SOD1: variants seen among roughly 807,000 people sequenced by gnomAD.
SOD1 encodes superoxide dismutase 1.
SOD1 carries 8 observed loss-of-function variants against 15.9 expected under a neutral mutation model. The observed-to-expected ratio is 0.50, with a 90% CI of 0.30 to 0.91. The LOEUF (loss-of-function observed/expected upper bound fraction) is 0.91. Ranked by LOEUF, SOD1 falls within the 40% of genes least tolerant of loss-of-function variation. The pLI, the probability that SOD1 is intolerant of heterozygous loss-of-function variation, is 0.07. For synonymous variants in SOD1, 86 were observed against 71.2 expected (o/e 1.21, Z -1.04); for missense variants, 137 against 194.5 (o/e 0.70, Z 1.76).
At chr21:31,661,240 C>T (rs1280168986) in intron 1 of SOD1, among the ~76,000 whole-genome samples, 2 of 152,188 alleles carry the variant, frequency 1.3e-5, no homozygotes, top group Admixed American at 6.5e-5. Context: ...ATGAGTTTAG[C>T]CTTTTTCTTT....
intron 2 of SOD1, 121 bp downstream of exon 2, chr21:31,664,007 T>C: frequency 1.3e-6 from 1 of 746,462 alleles, no homozygotes; most frequent in South Asian, 1.4e-5. Context: ...GGTCTTGCTC[T>C]GTCGCTCAGG....
At chr21:31,663,265 G>A (rs2049564505) in intron 1 of SOD1, among the ~76,000 whole-genome samples, 1 of 150,726 alleles carries the variant, frequency 6.6e-6, no homozygotes, top group African/African-American at 2.4e-5. Flanking sequence ...GCGTGAACCC[G>A]GGAGGCGGAG....
At chr21:31,661,653 C>G (rs561355893) in intron 1 of SOD1, 2 of 152,678 alleles carry the variant, frequency 1.3e-5, no homozygotes, top group Admixed American at 1.3e-4. Context: ...TGAGCCACCC[C>G]GCCCGGCCAC....
At chr21:31,665,975 T>G (rs1171111973) in intron 2 of SOD1, among the ~76,000 whole-genome samples, 2 of 133,276 alleles carry the variant, frequency 1.5e-5, no homozygotes, top group Non-Finnish European at 3.4e-5. Flanking sequence ...GTGGGGTTTT[T>G]TTTTTTTTTT....
intron 1 of SOD1, 87 bp from the exon 2 acceptor site, chr21:31,663,703 T>C (rs759369158): frequency 9.4e-7 from 1 of 1,062,932 alleles, no homozygotes; most frequent in Non-Finnish European, 1.4e-6. Context: ...CAAGTCTGGC[T>C]GCTTTTTACT....
chr21:31,668,128 AAAAC>A (rs1351954632), intron 4 of SOD1, among the ~76,000 whole-genome samples: 6 of 152,198 alleles, frequency 3.9e-5, no homozygotes, highest in African/African-American at 1.4e-4. Context: ...AGCAATTAAA[AAAAC>A]TGCCAAAGTA....
rs1374061515 is a variant in SOD1 at position 31,663,828 on chromosome 21, A to G, written c.111A>G (p.Lys37=). ...NGPVKVWGSI[K]GLTEGLHGFH... is the part of the protein sequence containing the mutation. ...CAGTGAAGGTGTGGGGAAGCATTAA[A>G]GGACTGACTGAAGGCCTGCATGGAT... The change falls in exon 2 of 5, where the codon AAA becomes AAG. Residue 37 remains lysine (K), a synonymous_variant. Transcript: ENST00000270142. The G allele has an allele frequency of 6.2e-7, 1 of 1,613,628 alleles. No homozygotes were observed. Among genetic ancestry groups the G allele is most frequent in the Non-Finnish European group, 8.5e-7 (1 of 1,179,676 alleles).
At chr21:31,667,583 T>TAA (rs1362311604) in intron 4 of SOD1, among the ~76,000 whole-genome samples, 1 of 152,204 alleles carries the variant, frequency 6.6e-6, no homozygotes. Flanking sequence ...TAAGATGCAG[T>TAA]AAAAAGCAGG....
rs2049620718 is a variant in SOD1 at position 31,668,621 on chromosome 21, T to G, written c.*43T>G. On this transcript the variant is annotated 3_prime_UTR_variant, in exon 5 of 5. Coordinates refer to ENST00000270142, the MANE Select transcript of SOD1 (RefSeq NM_000454.5). ...GTCTGAGGCCCCTTAACTCATCTGT[T>G]ATCCTGCTAGCTGTAGAAATGTATC... is the stretch of plus-strand genomic sequence containing the variant. 7.6e-7 allele frequency: 1 copy of G among 1,314,900 alleles called. No individual in the cohort carries two copies. Among genetic ancestry groups the G allele is most frequent in the Admixed American group, 1.7e-5 (1 of 59,580 alleles). The allele number at this position is 1,314,900 out of a possible 1,614,324, so 81.5% of individuals were successfully genotyped here. A position where few individuals can be genotyped will look rare whatever the true frequency, so the allele number is the denominator to read the frequency against.
At position 31,665,980 on chromosome 21, in the gene SOD1, T is replaced by G. The variant is rs540128017; in HGVS notation, c.170-469T>G. On this transcript the variant is annotated intron_variant, in intron 2 of 4. Coordinates refer to ENST00000270142, the MANE Select transcript of SOD1 (RefSeq NM_000454.5). ...TTAGAACTTGGTGGGGTTTTTTTTT[T>G]TTTTTTTTTGAGATGGAGTCTTGCT... Among the ~76,000 whole-genome samples, 3 of 150,750 alleles carry G rather than the reference T, an allele frequency of 2.0e-5. No individual in the cohort carries two copies. The South Asian group carries it at 6.4e-4, about 32-fold the overall frequency.
chr21:31,662,735 C>T (rs776791863), intron 1 of SOD1, among the ~76,000 whole-genome samples: 5 of 152,186 alleles, frequency 3.3e-5, no homozygotes, highest in Non-Finnish European at 5.9e-5. Flanking sequence ...CCTGTGATAG[C>T]CGGGCGTGGT....
At chr21:31,667,716 A>G (rs4816407) in intron 4 of SOD1, among the ~76,000 whole-genome samples, 23,382 of 152,184 alleles carry the variant, frequency 0.15, 2,910 homozygotes, top group East Asian at 0.51. Context: ...TGTTAAGTTT[A>G]AAACCTGGGA....
intron 1 of SOD1, chr21:31,660,821 C>T (rs1046906338): frequency 6.6e-6 from 1 of 152,192 alleles, no homozygotes; most frequent in Non-Finnish European, 1.5e-5. Flanking sequence ...AATTAGAAGA[C>T]CTGGAGTTTC....
intron 1 of SOD1, 132 bp downstream of exon 1, chr21:31,659,973 C>A: frequency 1.2e-6 from 1 of 828,492 alleles, no homozygotes; most frequent in Non-Finnish European, 1.8e-6. Flanking sequence ...CCGGCCCGTG[C>A]CGCCCGGTCG....
chr21:31,662,786 G>T (rs1234019083), intron 1 of SOD1, among the ~76,000 whole-genome samples: 2 of 152,142 alleles, frequency 1.3e-5, no homozygotes, highest in Non-Finnish European at 1.5e-5. Context: ...AGGCCGAGAC[G>T]GGTGGATCAC....
rs2049605029 is a variant in SOD1, at chr21:31,667,407, T to A, written c.357+32T>A. 2.9e-6 allele frequency: 4 copies of A among 1,387,654 alleles called. No homozygotes were observed. In the South Asian group the frequency reaches 3.5e-5, roughly 12 times the overall value. 86.0% of individuals were successfully genotyped at this position (1,387,654 alleles called of 1,614,324 possible). On this transcript the variant is annotated intron_variant, in intron 4 of 4. Coordinates refer to ENST00000270142, the MANE Select transcript of SOD1 (RefSeq NM_000454.5). ...TTTCATAAAAGGATATGCATAAAAC[T>A]TCTTCTAACATACAGTCATGTATCT...
At chr21:31,661,207 C>G (rs1263275525) in intron 1 of SOD1, among the ~76,000 whole-genome samples, 1 of 152,184 alleles carries the variant, frequency 6.6e-6, no homozygotes, top group African/African-American at 2.4e-5. Flanking sequence ...GTGTAAATGT[C>G]TGAAATATAT....
Position 31,668,602 on chromosome 21 carries a change from G to A in SOD1, c.*24G>A, listed in dbSNP as rs766294613. The A allele has an allele frequency of 8.9e-5, 136 of 1,526,844 alleles. No individual in the cohort carries two copies. Among genetic ancestry groups the A allele is most frequent in the Non-Finnish European group, 1.2e-4 (133 of 1,100,428 alleles). The allele number at this position is 1,526,844 out of a possible 1,614,324, so 94.6% of individuals were successfully genotyped here. A position where few individuals can be genotyped will look rare whatever the true frequency, so the allele number is the denominator to read the frequency against. On this transcript the variant is annotated 3_prime_UTR_variant, in exon 5 of 5. Transcript: ENST00000270142. Reference sequence around the variant, plus strand: ...AAACATTCCCTTGGATGTAGTCTGAGGCCCCTTAACTCATCTGTTATCCTG... The same window carrying A: ...AAACATTCCCTTGGATGTAGTCTGAAGCCCCTTAACTCATCTGTTATCCTG...
Position 31,667,372 on chromosome 21 carries a change from G to A in SOD1, c.354G>A (p.Leu118=), listed in dbSNP as rs1222874696. 1 of 1,604,698 alleles carries A rather than the reference G, an allele frequency of 6.2e-7. No homozygotes were observed. The highest frequency in any genetic ancestry group is 8.5e-7 in the Non-Finnish European group (1 of 1,171,390). ...SGDHCIIGRT[L]VVHEKADDLG... is the part of the protein sequence containing the mutation. Reference sequence around the variant, plus strand: ...ACCATTGCATCATTGGCCGCACACTGGTGGTAAGTTTTCATAAAAGGATAT... The same window carrying A: ...ACCATTGCATCATTGGCCGCACACTAGTGGTAAGTTTTCATAAAAGGATAT... The change falls in exon 4 of 5, where the codon CTG becomes CTA. Residue 118 remains leucine (L), a synonymous_variant. Coordinates refer to ENST00000270142, the MANE Select transcript of SOD1 (RefSeq NM_000454.5).
Sources: gnomAD v4.1 joint callset for allele counts (sites outside exome capture counted in the v4.1 genomes callset) on GRCh38, gnomAD v4.1.1 for gene constraint, MANE v1.5 for transcripts, NCBI Gene and HGNC (gene_info 2026-07-23, HGNC 2026-07-21) for gene names.